The following PSMD10 variants were observed in gnomAD, a reference collection of about 807,000 sequenced individuals.
PSMD10 encodes proteasome 26S subunit, non-ATPase 10, also known as 26S proteasome non-ATPase regulatory subunit 10.
PSMD10 carries 2 observed loss-of-function variants against 13.2 expected under a neutral mutation model. The ratio of observed to expected loss-of-function variants is 0.15; its 90% CI spans 0.06 to 0.48. The LOEUF (loss-of-function observed/expected upper bound fraction) is 0.48, where lower values mean the gene tolerates loss of function less well. Among genes scored for constraint, PSMD10 ranks in the 20% least tolerant of loss-of-function variants. The probability of loss-of-function intolerance (pLI) is 0.97; values close to 1 mark genes in which losing one functional copy is unlikely to be tolerated. For missense variants in PSMD10, 120 were observed against 167.4 expected, an observed-to-expected ratio of 0.72 and a Z score of 1.56; for synonymous variants, 66 against 64.4, an observed-to-expected ratio of 1.03 and a Z score of -0.12.
At chrX:108,091,322 G>C in intron 1 of PSMD10, 85 bp downstream of exon 1, 3 of 898,329 alleles carry the variant, frequency 3.3e-6, no homozygotes, top group Non-Finnish European at 4.9e-6. Flanking sequence ...TCTCAGAAAC[G>C]GGGCCTCCGC....
chrX:108,091,265 G>A, intron 1 of PSMD10, 142 bp downstream of exon 1: 1 of 524,790 alleles, frequency 1.9e-6, no homozygotes, highest in Non-Finnish European at 3.3e-6. Flanking sequence ...GAGTCCCGAG[G>A]TGACCCAGGG....
In PSMD10 at chrX:108,084,627, C is replaced by T. The variant is rs772218901; in HGVS notation, c.*347G>A. 1.5e-5 allele frequency: 2 copies of T among 135,425 alleles called. No individual in the cohort carries two copies. The highest frequency in any genetic ancestry group is 1.9e-4 in the East Asian group (1 of 5,129). 11.2% of individuals were successfully genotyped at this position (135,425 alleles called of 1,213,427 possible). A position where few individuals can be genotyped will look rare whatever the true frequency, so the allele number is the denominator to read the frequency against. On this transcript the variant is annotated 3_prime_UTR_variant, in exon 5 of 5. Transcript: ENST00000217958. ...TAGAAACATCTGGCAGAACAACTAG[C>T]TTGTTGCTATTGGAGCTGTTCTGTT...
intron 2 of PSMD10, among the ~76,000 whole-genome samples, 186 bp from the exon 3 acceptor site, chrX:108,088,285 T>C (rs2031522764): frequency 8.9e-6 from 1 of 112,449 alleles, no homozygotes; most frequent in Non-Finnish European, 1.9e-5. Flanking sequence ...AATCTCTTTA[T>C]GTAACAAAAA....
Position 108,091,467 on chromosome X carries a change from C to T in PSMD10, c.54G>A (p.Lys18=). 4 of 1,212,580 alleles carry T rather than the reference C, an allele frequency of 3.3e-6. No individual in the cohort carries two copies. The highest frequency in any genetic ancestry group is 4.5e-6 in the Non-Finnish European group (4 of 895,682). Residue 18 remains lysine (K), a synonymous_variant, in exon 1 of 5, where the codon AAG becomes AAA. Coordinates refer to ENST00000217958, the MANE Select transcript of PSMD10 (RefSeq NM_002814.4). ...LMVCNLAYSG[K]LEELKESILA... is the part of the protein sequence containing the mutation. ...GAATACTCTCCTTCAACTCTTCCAG[C>T]TTCCCGCTGTAGGCCAGGTTGCAGA...
chrX:108,088,372 T>C (rs369975910), intron 2 of PSMD10: 1 of 342,711 alleles, frequency 2.9e-6, no homozygotes, highest in African/African-American at 2.6e-5. Context: ...GAGTTTATGG[T>C]CTTTTAGGGT....
chrX:108,084,856 A>G lies in PSMD10; in HGVS notation c.*118T>C. The G allele has an allele frequency of 1.2e-6, 1 of 838,375 alleles. No homozygotes were observed. The highest frequency in any genetic ancestry group is 1.6e-6 in the Non-Finnish European group (1 of 614,299). 69.1% of individuals were successfully genotyped at this position (838,375 alleles called of 1,213,427 possible). ...GAACAAGAGTCAACATGTTTATAAGACTTTGAAGGTGAGAAAACTTCATCA... is the reference window on the plus strand; with the variant it reads ...GAACAAGAGTCAACATGTTTATAAGGCTTTGAAGGTGAGAAAACTTCATCA... On this transcript the variant is annotated 3_prime_UTR_variant, in exon 5 of 5. Coordinates refer to ENST00000217958, the MANE Select transcript of PSMD10 (RefSeq NM_002814.4).
rs2031474472 is a variant in PSMD10, at chrX:108,084,636, A to G, written c.*338T>C. ...CTGGCAGAACAACTAGCTTGTTGCT[A>G]TTGGAGCTGTTCTGTTTCAGAGAGG... On this transcript the variant is annotated 3_prime_UTR_variant, in exon 5 of 5. Transcript: ENST00000217958. 1 of 140,913 alleles carries G rather than the reference A, an allele frequency of 7.1e-6. No individual in the cohort carries two copies. Among genetic ancestry groups the G allele is most frequent in the African/African-American group, 3.1e-5 (1 of 32,500 alleles). 11.6% of individuals were successfully genotyped at this position (140,913 alleles called of 1,213,427 possible).
intron 4 of PSMD10, among the ~76,000 whole-genome samples, chrX:108,086,013 C>T (rs2031492921): frequency 9.0e-6 from 1 of 111,642 alleles, no homozygotes; most frequent in African/African-American, 3.3e-5. Context: ...GTAGGGCATA[C>T]AGGTCTTTCT....
intron 2 of PSMD10, chrX:108,088,383 T>C: frequency 2.9e-6 from 1 of 339,216 alleles, no homozygotes; most frequent in Non-Finnish European, 5.1e-6. Flanking sequence ...CTTTTAGGGT[T>C]CACCATAACA....
intron 1 of PSMD10, among the ~76,000 whole-genome samples, chrX:108,089,056 C>T (rs995293289): frequency 8.9e-6 from 1 of 112,192 alleles, no homozygotes; most frequent in African/African-American, 3.2e-5. Context: ...GATGAACATA[C>T]GTAATTCTGG....
rs1265156492 is a variant in PSMD10, at chrX:108,084,401, G to C, written c.*573C>G. The C allele has an allele frequency of 8.9e-6, 1 of 112,396 alleles. No individual in the cohort carries two copies. The highest frequency in any genetic ancestry group is 1.9e-5 in the Non-Finnish European group (1 of 53,257). 9.3% of individuals were successfully genotyped at this position (112,396 alleles called of 1,213,427 possible). A position where few individuals can be genotyped will look rare whatever the true frequency, so the allele number is the denominator to read the frequency against. ...ATCAAAAACAAATACATAGGTATAT[G>C]GGCTATTGTTTTTCAGTATTTTAGA... On this transcript the variant is annotated 3_prime_UTR_variant, in exon 5 of 5. Coordinates refer to ENST00000217958, the MANE Select transcript of PSMD10 (RefSeq NM_002814.4).
chrX:108,091,275 G>A, intron 1 of PSMD10, 132 bp downstream of exon 1: 1 of 567,925 alleles, frequency 1.8e-6, no homozygotes, highest in Non-Finnish European at 3.0e-6. Flanking sequence ...GTGACCCAGG[G>A]GGACTGCTTG....
At chrX:108,089,999 G>C (rs1463081062) in intron 1 of PSMD10, among the ~76,000 whole-genome samples, 1 of 111,644 alleles carries the variant, frequency 9.0e-6, no homozygotes, top group South Asian at 3.7e-4. Flanking sequence ...AAAAATAGAG[G>C]GAATAGAATA....
intron 2 of PSMD10, 130 bp from the exon 3 acceptor site, chrX:108,088,229 T>G: frequency 1.6e-6 from 1 of 630,909 alleles, no homozygotes; most frequent in Non-Finnish European, 2.4e-6. Context: ...GGTTCCATTC[T>G]TACTCTTCAC....
At position 108,087,711 on chromosome X, in the gene PSMD10, G is replaced by C. The variant is rs1391498257; in HGVS notation, c.502C>G (p.Gln168Glu). 1 of 1,210,119 alleles carries C rather than the reference G, an allele frequency of 8.3e-7. No homozygotes were observed. The change falls in exon 4 of 5, where the codon CAA becomes GAA. Residue 168 changes from glutamine to glutamate, a missense_variant. By Grantham distance (29) the Gln-to-Glu change is conservative. Transcript: ENST00000217958. ...AGAGGAGTGTTACCCTCAGTGTCTTGGATGTTTGTGGATGCTTTGTAGTAC... is the reference window on the plus strand; with the variant it reads ...AGAGGAGTGTTACCCTCAGTGTCTTCGATGTTTGTGGATGCTTTGTAGTAC... ...LLYYKASTNI[Q>E]DTEGNTPLHL...
rs1229829188 is a variant in PSMD10, at chrX:108,086,359, T to TG, written c.528-1233dup. 3.6e-5 allele frequency among the ~76,000 whole-genome samples: 4 copies of TG among 111,825 alleles called. No individual in the cohort carries two copies. In the Admixed American group the frequency reaches 3.8e-4, roughly 11 times the overall value. On this transcript the variant is annotated intron_variant, in intron 4 of 4. Coordinates refer to ENST00000217958, the MANE Select transcript of PSMD10 (RefSeq NM_002814.4). ...AAAATAACCTATAATAAAAGACGGG[T>TG]GAATATTTAACTAATTTCAGGGTAA...
intron 2 of PSMD10, 57 bp downstream of exon 2, chrX:108,088,695 G>A: frequency 2.0e-6 from 2 of 983,867 alleles, no homozygotes; most frequent in Non-Finnish European, 2.9e-6. Context: ...GTAAACACCA[G>A]TCTGGAGTAC....
Position 108,091,463 on chromosome X carries a change from C to T in PSMD10, c.58G>A (p.Glu20Lys). The change falls in exon 1 of 5, where the codon GAA becomes AAA. Residue 20 changes from glutamate (E) to lysine (K), a missense_variant. By Grantham distance (56) the Glu-to-Lys change is moderately conservative (BLOSUM62 1). Around this residue, in one of 3 missense-constraint regions of PSMD10, gnomAD observed 32 missense variants for 26.2 expected, o/e 1.22. Coordinates refer to ENST00000217958, the MANE Select transcript of PSMD10 (RefSeq NM_002814.4). ...VCNLAYSGKL[E>K]ELKESILADK... Reference sequence around the variant, plus strand: ...GCCAGAATACTCTCCTTCAACTCTTCCAGCTTCCCGCTGTAGGCCAGGTTG... The same window carrying T: ...GCCAGAATACTCTCCTTCAACTCTTTCAGCTTCCCGCTGTAGGCCAGGTTG... 1 of 1,212,532 alleles carries T rather than the reference C, an allele frequency of 8.2e-7. No homozygotes were observed. Among genetic ancestry groups the T allele is most frequent in the East Asian group, 3.0e-5 (1 of 33,867 alleles).
In PSMD10 at chrX:108,084,547, T is replaced by G. The variant is rs1363477251; in HGVS notation, c.*427A>C. On this transcript the variant is annotated 3_prime_UTR_variant, in exon 5 of 5. Transcript: ENST00000217958. ...ACGTTTGGCGTAGGCCTGAGTGAGC[T>G]TGAAAAACAAGTTAGGATGTTTTAA... The G allele has an allele frequency of 8.7e-6, 1 of 114,791 alleles. No individual in the cohort carries two copies. Among genetic ancestry groups the G allele is most frequent in the Non-Finnish European group, 1.8e-5 (1 of 54,642 alleles). 9.5% of individuals were successfully genotyped at this position (114,791 alleles called of 1,213,427 possible).
Sources: gnomAD v4.1 joint callset for allele counts (sites outside exome capture counted in the v4.1 genomes callset) on GRCh38, gnomAD v4.1.1 for gene constraint, gnomAD v4.1.1 regional missense constraint, MANE v1.5 for transcripts, NCBI Gene and HGNC (gene_info 2026-07-23, HGNC 2026-07-21) for gene names.